GCLC: variants seen among roughly 807,000 people sequenced by gnomAD.
GCLC encodes the protein glutamate--cysteine ligase catalytic subunit.
GCLC carries 30 observed loss-of-function variants against 81.5 expected under a neutral mutation model. That is an observed-to-expected ratio of 0.37 (90% CI 0.28 to 0.50). The LOEUF (loss-of-function observed/expected upper bound fraction) is 0.50, where lower values mean the gene tolerates loss of function less well. GCLC is among the 20% of genes least tolerant of loss of function. The pLI, the probability that GCLC is intolerant of heterozygous loss-of-function variation, is 0.96. For synonymous variants in GCLC, 262 were observed against 273.3 expected (o/e 0.96, Z 0.41); for missense variants, 556 against 777.4 (o/e 0.72, Z 3.39).
chr6:53,519,937 T>C (rs1236247096), intron 3 of GCLC, among the ~76,000 whole-genome samples: 1 of 152,170 alleles, frequency 6.6e-6, no homozygotes. Context: ...CCTGAATGGC[T>C]GACGGACACG....
intron 1 of GCLC, among the ~76,000 whole-genome samples, chr6:53,533,172 C>G (rs6933870): frequency 0.49 from 73,927 of 152,054 alleles, 18,113 homozygotes; most frequent in Admixed American, 0.58. Flanking sequence ...CTTAGCCACA[C>G]AGATATTACC....
chr6:53,505,349 C>T (rs41271287), intron 12 of GCLC, 43 bp downstream of exon 12: 13,930 of 817,714 alleles, frequency 0.017, 147 homozygotes, highest in Non-Finnish European at 0.023. Flanking sequence ...AATATATCTA[C>T]AGATAGATCT....
chr6:53,497,985 TGCC>T lies in GCLC; in HGVS notation c.*768_*770del, dbSNP rs961880261. ...AAAAATGATTGCCACCCCCCACCCC[TGCC>T]GCCAACTTTTTTAGTTAAAAAAAAA... On this transcript the variant is annotated 3_prime_UTR_variant, in exon 16 of 16. Transcript: ENST00000650454. The T allele has an allele frequency of 1.4e-5, 2 of 144,524 alleles. No homozygotes were observed. The highest frequency in any genetic ancestry group is 5.3e-5 in the African/African-American group (2 of 37,596). 9.0% of individuals were successfully genotyped at this position (144,524 alleles called of 1,614,324 possible).
intron 3 of GCLC, among the ~76,000 whole-genome samples, chr6:53,516,824 TACTTG>T (rs1295381594): frequency 1.3e-5 from 2 of 152,176 alleles, no homozygotes; most frequent in Non-Finnish European, 2.9e-5. Flanking sequence ...CCTATTCTCT[TACTTG>T]ACTTAAGGAG....
Position 53,506,516 on chromosome 6 carries a change from C to T in GCLC, c.1197+397G>A, listed in dbSNP as rs546735351. 8.2e-6 allele frequency: 2 copies of T among 244,748 alleles called. No individual in the cohort carries two copies. Among genetic ancestry groups the T allele is most frequent in the Non-Finnish European group, 7.9e-6 (1 of 125,890 alleles). 15.2% of individuals were successfully genotyped at this position (244,748 alleles called of 1,614,324 possible). On this transcript the variant is annotated intron_variant, in intron 10 of 15. Transcript: ENST00000650454. This position sits in a 1 kb window ranked among gnomAD's most constrained non-coding sequence, Gnocchi z 4.0. ...GTCAATGTCTACATATAACATGACA[C>T]AGAAATAAATCTATGAGAAGTCTAT...
At chr6:53,502,075 C>T (rs1377244562) in intron 12 of GCLC, among the ~76,000 whole-genome samples, 3 of 152,102 alleles carry the variant, frequency 2.0e-5, no homozygotes, top group African/African-American at 4.8e-5. Context: ...GTATCTCTTT[C>T]GTTGAATTTT....
At chr6:53,505,951 A>T in intron 10 of GCLC, 56 bp from the exon 11 acceptor site, 1 of 946,550 alleles carries the variant, frequency 1.1e-6, no homozygotes, top group Non-Finnish European at 1.8e-6. Context: ...GGAAAATATT[A>T]AGATGATCTG....
In GCLC at chr6:53,528,009, T is replaced by C. The variant is rs1039298852; in HGVS notation, c.151-5482A>G. ...ACTCAATGCCTTCTGCCCAGAAGAC[T>C]GTTTCCTCTCACAGCAAAATGGTAA... On this transcript the variant is annotated intron_variant, in intron 1 of 15. Coordinates refer to ENST00000650454, the MANE Select transcript of GCLC (RefSeq NM_001498.4). Among the ~76,000 whole-genome samples, 4 of 152,316 alleles carry C rather than the reference T, an allele frequency of 2.6e-5. No homozygotes were observed. In the South Asian group the frequency reaches 6.2e-4, roughly 24 times the overall value.
At chr6:53,535,255 C>G (rs1439174912) in intron 1 of GCLC, among the ~76,000 whole-genome samples, 5 of 152,210 alleles carry the variant, frequency 3.3e-5, no homozygotes, top group Non-Finnish European at 7.3e-5. Flanking sequence ...TGGCTTAAGA[C>G]TGTAATCCTA....
At chr6:53,508,802 G>T in intron 7 of GCLC, 91 bp from the exon 8 acceptor site, 1 of 837,514 alleles carries the variant, frequency 1.2e-6, no homozygotes, top group Non-Finnish European at 2.0e-6. Flanking sequence ...TGATCAAAAA[G>T]CATGTTTATG....
At position 53,500,364 on chromosome 6, in the gene GCLC, G is replaced by C; in HGVS notation, c.1478-14C>G. 1.2e-6 allele frequency: 2 copies of C among 1,612,884 alleles called. No individual in the cohort carries two copies. The highest frequency in any genetic ancestry group is 1.1e-5 in the South Asian group (1 of 91,000). On this transcript the variant is annotated splice_polypyrimidine_tract_variant and intron_variant, in intron 13 of 15. Transcript: ENST00000650454. ...CTGCATTGCCACCTGCCGGAGAAGA[G>C]GGTCAGGGGAGCTTTAGCAGCTTGT...
chr6:53,533,797 CT>C (rs558357229), intron 1 of GCLC, among the ~76,000 whole-genome samples: 116 of 141,772 alleles, frequency 8.2e-4, no homozygotes, highest in Non-Finnish European at 9.1e-4. Context: ...TTTTTCTTTT[CT>C]TTTTTTTTTT....
At chr6:53,516,412 C>CA (rs756414432) in intron 3 of GCLC, among the ~76,000 whole-genome samples, 190 bp from the exon 4 acceptor site, 11 of 152,164 alleles carry the variant, frequency 7.2e-5, no homozygotes, top group Non-Finnish European at 1.3e-4. Context: ...ACTTCTTGCT[C>CA]ACAAGGATCT....
Position 53,506,541 on chromosome 6 carries a change from T to G in GCLC, c.1197+372A>C, listed in dbSNP as rs1250280273. 1 of 254,928 alleles carries G rather than the reference T, an allele frequency of 3.9e-6. No homozygotes were observed. The highest frequency in any genetic ancestry group is 7.6e-6 in the Non-Finnish European group (1 of 132,276). 15.8% of individuals were successfully genotyped at this position (254,928 alleles called of 1,614,324 possible). A position where few individuals can be genotyped will look rare whatever the true frequency, so the allele number is the denominator to read the frequency against. The stretch of plus-strand genomic sequence containing the variant: ...CAGAAATAAATCTATGAGAAGTCTA[T>G]CTACAAAAAAAAAAGGTGATATGTC... On this transcript the variant is annotated intron_variant, in intron 10 of 15. Transcript: ENST00000650454. This position sits in a 1 kb window ranked among gnomAD's most constrained non-coding sequence, Gnocchi z 4.0.
chr6:53,540,700 CACACA>C (rs899125048), intron 1 of GCLC, among the ~76,000 whole-genome samples: 22 of 151,198 alleles, frequency 1.5e-4, no homozygotes, highest in African/African-American at 5.4e-4. Flanking sequence ...CACACACACA[CACACA>C]AAAGTCCTGG....
chr6:53,524,158 T>C (rs992448981), intron 1 of GCLC, among the ~76,000 whole-genome samples: 1 of 152,228 alleles, frequency 6.6e-6, no homozygotes, highest in African/African-American at 2.4e-5. Flanking sequence ...CTTTCATATA[T>C]GAATCCTAAT....
chr6:53,543,948 T>A (rs1156609168), intron 1 of GCLC, among the ~76,000 whole-genome samples: 1 of 152,182 alleles, frequency 6.6e-6, no homozygotes, highest in Non-Finnish European at 1.5e-5. Flanking sequence ...ATTTACTGGT[T>A]TCAATTTATA....
intron 6 of GCLC, chr6:53,509,453 C>T (rs765745578): frequency 8.2e-6 from 5 of 608,084 alleles, no homozygotes; most frequent in African/African-American, 1.8e-5. Context: ...GTTCCACTGC[C>T]TATAGACAAC....
At chr6:53,510,284 C>A (rs1764711992) in intron 6 of GCLC, 1 of 151,916 alleles carries the variant, frequency 6.6e-6, no homozygotes, top group Admixed American at 6.6e-5. Context: ...GAAGAAAAAC[C>A]CGAGTTGTAG....
Sources: gnomAD v4.1 joint callset for allele counts (sites outside exome capture counted in the v4.1 genomes callset) on GRCh38, gnomAD v4.1.1 for gene constraint, Gnocchi (gnomAD v3.1) non-coding constraint, MANE v1.5 for transcripts, NCBI Gene and HGNC (gene_info 2026-07-23, HGNC 2026-07-21) for gene names.